The following AFAP1 variants were observed in gnomAD, a reference collection of about 807,000 sequenced individuals.
AFAP1 encodes actin filament associated protein 1.
Under a neutral mutation model 93.9 loss-of-function variants are expected in AFAP1, and 75 were observed. The observed-to-expected ratio is 0.80, with a 90% CI of 0.66 to 0.97. The LOEUF is 0.97. AFAP1 is among the 50% of genes least tolerant of loss of function. The probability of loss-of-function intolerance (pLI) is 0.00; values close to 1 mark genes in which losing one functional copy is unlikely to be tolerated. For synonymous variants in AFAP1, 517 were observed against 430.7 expected (o/e 1.20, Z -2.48); for missense variants, 1,201 against 1,050.8 (o/e 1.14, Z -1.98).
At chr4:7,903,205 GACTA>G (rs372362982) in intron 1 of AFAP1, among the ~76,000 whole-genome samples, 181 of 152,158 alleles carry the variant, frequency 1.2e-3, no homozygotes, top group African/African-American at 3.3e-3. Flanking sequence ...AACAAATATT[GACTA>G]ACTATCTAGG....
At chr4:7,769,596 C>G (rs759586235) in intron 16 of AFAP1, among the ~76,000 whole-genome samples, 5 of 151,934 alleles carry the variant, frequency 3.3e-5, no homozygotes, top group African/African-American at 4.8e-5. Flanking sequence ...CCTGAGCTGC[C>G]GAGGCCCCCA....
chr4:7,921,176 CA>C (rs1314498153), intron 1 of AFAP1, among the ~76,000 whole-genome samples: 1 of 108,258 alleles, frequency 9.2e-6, no homozygotes. Context: ...AAAATGAGAG[CA>C]AAACTTTTTT....
intron 6 of AFAP1, among the ~76,000 whole-genome samples, chr4:7,836,859 A>G (rs1336254916): frequency 2.0e-5 from 3 of 151,990 alleles, no homozygotes; most frequent in African/African-American, 7.2e-5. Flanking sequence ...ATTGGACTTG[A>G]AAAGGGTGAA....
At chr4:7,768,452 C>T (rs906346392) in intron 17 of AFAP1, among the ~76,000 whole-genome samples, 1 of 152,170 alleles carries the variant, frequency 6.6e-6, no homozygotes. Flanking sequence ...TTCCTGGACC[C>T]TTTCCTTTGT....
At chr4:7,871,436 C>T (rs549525547) in intron 2 of AFAP1, among the ~76,000 whole-genome samples, 1 of 151,654 alleles carries the variant, frequency 6.6e-6, no homozygotes, top group Non-Finnish European at 1.5e-5. Context: ...AAACCCTGGA[C>T]ACCGAGTCTC....
intron 6 of AFAP1, among the ~76,000 whole-genome samples, chr4:7,833,594 T>TTC (rs1010716041): frequency 2.7e-5 from 4 of 149,986 alleles, no homozygotes; most frequent in African/African-American, 9.9e-5. Context: ...GATGTCTTTT[T>TTC]TTTTTTTTTT....
intron 16 of AFAP1, 65 bp downstream of exon 16, chr4:7,772,755 G>A (rs1056127130): frequency 4.7e-6 from 7 of 1,492,042 alleles, no homozygotes; most frequent in East Asian, 2.3e-5. Context: ...ATTCTCTCTG[G>A]GTGCACTGGC....
chr4:7,802,178 C>T (rs996136754), intron 9 of AFAP1, among the ~76,000 whole-genome samples: 7 of 152,206 alleles, frequency 4.6e-5, no homozygotes, highest in African/African-American at 1.7e-4. Context: ...GTCATTTCTA[C>T]CAACACACAC....
chr4:7,806,124 C>T (rs1577232683), intron 9 of AFAP1, among the ~76,000 whole-genome samples: 1 of 152,314 alleles, frequency 6.6e-6, no homozygotes. Context: ...TGGTCAGGGG[C>T]CTTTGCGCAT....
intron 6 of AFAP1, among the ~76,000 whole-genome samples, chr4:7,829,778 T>C (rs901697067): frequency 2.0e-5 from 3 of 152,122 alleles, no homozygotes; most frequent in Admixed American, 6.6e-5. Flanking sequence ...GGAGGGAAAA[T>C]TGGTAAACCT....
intron 4 of AFAP1, among the ~76,000 whole-genome samples, chr4:7,850,230 G>A (rs968416057): frequency 6.6e-6 from 1 of 152,190 alleles, no homozygotes; most frequent in African/African-American, 2.4e-5. Flanking sequence ...ATAAAATGAA[G>A]GACACAAGAT....
At chr4:7,765,954 G>A (rs1012304507) in intron 17 of AFAP1, among the ~76,000 whole-genome samples, 10 of 152,180 alleles carry the variant, frequency 6.6e-5, no homozygotes, top group African/African-American at 9.7e-5. Flanking sequence ...GTGACCCTGC[G>A]CCAGGATGCA....
Position 7,939,572 on chromosome 4 carries a change from G to A in AFAP1, c.-3+84C>T, listed in dbSNP as rs1389711288. 2 of 387,200 alleles carry A rather than the reference G, an allele frequency of 5.2e-6. No homozygotes were observed. Among genetic ancestry groups the A allele is most frequent in the Admixed American group, 3.2e-5 (1 of 31,504 alleles). The allele number at this position is 387,200 out of a possible 1,614,324, so 24.0% of individuals were successfully genotyped here. A position where few individuals can be genotyped will look rare whatever the true frequency, so the allele number is the denominator to read the frequency against. On this transcript the variant is annotated intron_variant, in intron 1 of 17. Transcript: ENST00000420658. This position sits in a 1 kb window ranked among gnomAD's most constrained non-coding sequence, Gnocchi z 5.6. ...CCCAGGCGCACGGACCCCGGACCCT[G>A]CGGAGCCCCGCTCGGAGCTTCCACG... is the stretch of plus-strand genomic sequence containing the variant.
At chr4:7,896,945 G>A (rs1718815522) in intron 1 of AFAP1, among the ~76,000 whole-genome samples, 1 of 151,914 alleles carries the variant, frequency 6.6e-6, no homozygotes, top group African/African-American at 2.4e-5. Flanking sequence ...CCATTCCTCT[G>A]GAAACAGTTC....
intron 1 of AFAP1, among the ~76,000 whole-genome samples, chr4:7,893,354 G>A (rs528577511): frequency 1.3e-5 from 2 of 152,330 alleles, no homozygotes; most frequent in East Asian, 1.9e-4. Flanking sequence ...GCCGAGGCGG[G>A]CGGATCACGA....
At chr4:7,837,312 G>A (rs1018990473) in intron 6 of AFAP1, among the ~76,000 whole-genome samples, 2 of 152,216 alleles carry the variant, frequency 1.3e-5, no homozygotes, top group Admixed American at 6.5e-5. Flanking sequence ...GTGTTATGAC[G>A]CAGAACCTCT....
At chr4:7,930,336 T>C (rs551153321) in intron 1 of AFAP1, among the ~76,000 whole-genome samples, 2 of 150,538 alleles carry the variant, frequency 1.3e-5, no homozygotes, top group South Asian at 4.3e-4. Context: ...TTTATGGAGT[T>C]TTCATAACAT....
At chr4:7,843,562 C>T (rs931551731) in intron 4 of AFAP1, among the ~76,000 whole-genome samples, 2 of 152,110 alleles carry the variant, frequency 1.3e-5, no homozygotes, top group Non-Finnish European at 2.9e-5. Flanking sequence ...GGTGAAGTGC[C>T]TACAAATTCT....
At chr4:7,823,874 G>A (rs1049623047) in intron 6 of AFAP1, among the ~76,000 whole-genome samples, 2 of 152,206 alleles carry the variant, frequency 1.3e-5, no homozygotes, top group Non-Finnish European at 2.9e-5. Context: ...CAAGGGGGTG[G>A]CTCATGGCAT....
Sources: allele counts gnomAD v4.1 joint callset (sites outside exome capture counted in the v4.1 genomes callset), GRCh38; gene constraint gnomAD v4.1.1; non-coding constraint Gnocchi (gnomAD v3.1); transcripts MANE v1.5; gene names NCBI Gene and HGNC (gene_info 2026-07-23, HGNC 2026-07-21).